Variants in SSBP3 observed in about 807,000 individuals in gnomAD.
SSBP3 encodes single-stranded DNA-binding protein 3.
A neutral mutation model predicts 69.6 loss-of-function variants in SSBP3; 5 were observed. That is an observed-to-expected ratio of 0.07 (90% CI 0.04 to 0.15). The LOEUF (loss-of-function observed/expected upper bound fraction) is 0.15, where lower values mean the gene tolerates loss of function less well. Among genes scored for constraint, SSBP3 ranks in the 10% least tolerant of loss-of-function variants. The pLI, the probability that SSBP3 is intolerant of heterozygous loss-of-function variation, is 1.00. For missense variants in SSBP3, 312 were observed against 534.0 expected (o/e 0.58, Z 4.10); for synonymous variants, 196 against 193.4 (o/e 1.01, Z -0.11).
intron 5 of SSBP3, among the ~76,000 whole-genome samples, chr1:54,262,024 A>G (rs1337749277): frequency 1.3e-5 from 2 of 152,180 alleles, no homozygotes; most frequent in South Asian, 2.1e-4. Context: ...ACTCTACCCC[A>G]GGGCTCTCCT....
chr1:54,361,541 C>G (rs1470725198), intron 4 of SSBP3, among the ~76,000 whole-genome samples: 1 of 152,130 alleles, frequency 6.6e-6, no homozygotes, highest in Non-Finnish European at 1.5e-5. Context: ...AAGGCCCTCC[C>G]AGGCTGAACG....
intron 13 of SSBP3, among the ~76,000 whole-genome samples, chr1:54,240,654 A>T (rs1007816267): frequency 6.6e-6 from 1 of 151,882 alleles, no homozygotes; most frequent in Non-Finnish European, 1.5e-5. Flanking sequence ...AACAAAAGGG[A>T]TTCAAAGGCA....
intron 11 of SSBP3, 84 bp downstream of exon 11, chr1:54,242,080 A>T: frequency 1.3e-6 from 2 of 1,487,440 alleles, no homozygotes; most frequent in South Asian, 1.2e-5. Flanking sequence ...ACTTCCCGTG[A>T]CACCTACACC....
At position 54,326,137 on chromosome 1, in the gene SSBP3, CT is replaced by C. The variant is rs575764233; in HGVS notation, c.277-44611del. Reference sequence around the variant, plus strand: ...TCTCCCTCCTGGAGCTCAGGGTAATCTGATGATCGCAGTGGGTAATTAGAGT... The same window carrying C: ...TCTCCCTCCTGGAGCTCAGGGTAATCGATGATCGCAGTGGGTAATTAGAGT... On this transcript the variant is annotated intron_variant, in intron 4 of 17. Coordinates refer to ENST00000610401, the Ensembl canonical transcript of SSBP3. Among the ~76,000 whole-genome samples, 533 of 152,276 alleles carry C rather than the reference CT, an allele frequency of 3.5e-3. 3 individuals carry two copies. Among genetic ancestry groups the C allele is most frequent in the South Asian group, 0.018 (85 of 4,826 alleles).
At chr1:54,403,954 A>G (rs1293482445) in intron 3 of SSBP3, among the ~76,000 whole-genome samples, 2 of 144,340 alleles carry the variant, frequency 1.4e-5, no homozygotes, top group Non-Finnish European at 3.0e-5. Flanking sequence ...CTAACTGCAG[A>G]CACTGCGAGG....
At chr1:54,271,742 C>T (rs1645197551) in intron 5 of SSBP3, among the ~76,000 whole-genome samples, 2 of 152,200 alleles carry the variant, frequency 1.3e-5, no homozygotes, top group Admixed American at 1.3e-4. Flanking sequence ...GAGCAAGAAA[C>T]AAGAGACGGG....
chr1:54,328,096 C>T (rs1425772251), intron 4 of SSBP3, among the ~76,000 whole-genome samples: 1 of 152,118 alleles, frequency 6.6e-6, no homozygotes, highest in East Asian at 1.9e-4. Flanking sequence ...GGCTTGTACC[C>T]TGGAGTCACT....
chr1:54,406,874 G>T (rs1300924873), upstream of SSBP3, among the ~76,000 whole-genome samples: 4 of 138,150 alleles, frequency 2.9e-5, no homozygotes, highest in African/African-American at 1.1e-4. Flanking sequence ...CACCAGCCCA[G>T]CCCTTATCTC....
At chr1:54,377,912 T>C (rs1284185210) in intron 4 of SSBP3, among the ~76,000 whole-genome samples, 4 of 152,198 alleles carry the variant, frequency 2.6e-5, no homozygotes, top group African/African-American at 2.4e-5. Flanking sequence ...CTATATTATT[T>C]TAAACATGTA....
intron 14 of SSBP3, chr1:54,238,019 G>C (rs770506116): frequency 2.6e-4 from 102 of 394,456 alleles, no homozygotes; most frequent in Non-Finnish European, 4.9e-4. Flanking sequence ...CCAACCTTCT[G>C]CATCACTGAC....
At position 54,289,047 on chromosome 1, in the gene SSBP3, A is replaced by AAAAAAAAAAAAAAC. The variant is rs1557499552; in HGVS notation, c.277-7521_277-7520insGTTTTTTTTTTTTT. Among the ~76,000 whole-genome samples, 243 of 116,734 alleles carry AAAAAAAAAAAAAAC rather than the reference A, an allele frequency of 2.1e-3. 1 individual carries two copies. The highest frequency in any genetic ancestry group is 5.4e-3 in the South Asian group (20 of 3,734). The allele number at this position is 116,734 out of a possible 152,430, so 76.6% of individuals were successfully genotyped here. On this transcript the variant is annotated intron_variant, in intron 4 of 17. Coordinates refer to ENST00000610401, the Ensembl canonical transcript of SSBP3. ...AAAAAAAAAAAAAAACAAAAAAACA[A>AAAAAAAAAAAAAAC]AAAAAAAAAACAGTAATGTCCCACT...
At chr1:54,256,681 T>TC (rs967312994) in intron 7 of SSBP3, among the ~76,000 whole-genome samples, 17 of 151,964 alleles carry the variant, frequency 1.1e-4, no homozygotes, top group Non-Finnish European at 1.9e-4. Context: ...ACGGGCCATT[T>TC]CCCCCCCTAA....
intron 4 of SSBP3, among the ~76,000 whole-genome samples, chr1:54,299,723 C>G (rs1457919401): frequency 6.6e-6 from 1 of 152,230 alleles, no homozygotes; most frequent in Non-Finnish European, 1.5e-5. Flanking sequence ...TAGACACGGA[C>G]ATGAGGCCTG....
intron 13 of SSBP3, among the ~76,000 whole-genome samples, chr1:54,240,087 T>C (rs1344605998): frequency 1.3e-3 from 56 of 42,348 alleles, no homozygotes; most frequent in Middle Eastern, 7.2e-3. Context: ...TGTGTGTGTG[T>C]GCGCGCGCGC....
chr1:54,393,045 A>G (rs1376242653), intron 4 of SSBP3, among the ~76,000 whole-genome samples: 1 of 152,192 alleles, frequency 6.6e-6, no homozygotes, highest in Non-Finnish European at 1.5e-5. Flanking sequence ...GTGGTATGGT[A>G]CCAAGCGGGA....
At chr1:54,404,767 G>A in intron 2 of SSBP3, 91 bp downstream of exon 2, 5 of 985,444 alleles carry the variant, frequency 5.1e-6, no homozygotes, top group Admixed American at 2.0e-5. Flanking sequence ...CAAAATGGTG[G>A]CCACAGTGGC....
rs117043543 is a variant in SSBP3, at chr1:54,238,842, G to A, written c.927+287C>T. The A allele has an allele frequency of 1.6e-4, 64 of 404,956 alleles. No individual in the cohort carries two copies. In the East Asian group the frequency reaches 1.9e-3, roughly 12 times the overall value. The allele number at this position is 404,956 out of a possible 1,614,324, so 25.1% of individuals were successfully genotyped here. ...GGCCAGACCCCACCTACAGCATGGC[G>A]CTTCCCCCACCAGCACGGCAGGAGG... On this transcript the variant is annotated intron_variant, in intron 14 of 17. Transcript: ENST00000610401.
rs1557525382 is a variant in SSBP3, at chr1:54,316,666, AAATAAAT to A, written c.277-35146_277-35140del. The stretch of plus-strand genomic sequence containing the variant: ...CCGTCTCAAAAAAAAAAAATAAAAT[AAATAAAT>A]AAATAAATAAATAAATAAATAAATA... On this transcript the variant is annotated intron_variant, in intron 4 of 17. Transcript: ENST00000610401. 4.6e-3 allele frequency among the ~76,000 whole-genome samples: 74 copies of A among 15,960 alleles called. 5 individuals carry two copies. Among genetic ancestry groups the A allele is most frequent in the Admixed American group, 0.016 (18 of 1,104 alleles). The allele number at this position is 15,960 out of a possible 152,430, so 10.5% of individuals were successfully genotyped here. A position where few individuals can be genotyped will look rare whatever the true frequency, so the allele number is the denominator to read the frequency against.
chr1:54,387,461 T>C (rs572619749), intron 4 of SSBP3, among the ~76,000 whole-genome samples: 2 of 152,322 alleles, frequency 1.3e-5, no homozygotes, highest in African/African-American at 4.8e-5. Context: ...CCTTCTCGGA[T>C]TATTTTTCTT....
Sources: gnomAD v4.1 joint callset for allele counts (sites outside exome capture counted in the v4.1 genomes callset) on GRCh38, gnomAD v4.1.1 for gene constraint, MANE v1.5 for transcripts, NCBI Gene and HGNC (gene_info 2026-07-23, HGNC 2026-07-21) for gene names.